The following ANTXR1 variants were observed in gnomAD, a reference collection of about 807,000 sequenced individuals.
ANTXR1 encodes anthrax toxin receptor 1.
A neutral mutation model predicts 78.1 loss-of-function variants in ANTXR1; 19 were observed. The observed-to-expected ratio is 0.24, with a 90% CI of 0.17 to 0.36. The LOEUF (loss-of-function observed/expected upper bound fraction) is 0.36. Among genes scored for constraint, ANTXR1 ranks in the 10% least tolerant of loss-of-function variants. The pLI is 1.00. For synonymous variants in ANTXR1, 273 were observed against 260.5 expected, an observed-to-expected ratio of 1.05 and a Z score of -0.46; for missense variants, 518 against 718.6, an observed-to-expected ratio of 0.72 and a Z score of 3.19.
At position 69,205,900 on chromosome 2, in the gene ANTXR1, TTTTC is replaced by T. The variant is rs144740016; in HGVS notation, c.1434+12489_1434+12492del. Among the ~76,000 whole-genome samples, 1,002 of 152,326 alleles carry T rather than the reference TTTTC, an allele frequency of 6.6e-3. 34 individuals are homozygous for T. In the East Asian group the frequency reaches 0.1, roughly 15 times the overall value. Reference sequence around the variant, plus strand: ...TTTGTCATTGCCATTTATTAATAACTTTTCTTTAAGTTTGTTTGAAAATAGAAAA... The same window carrying T: ...TTTGTCATTGCCATTTATTAATAACTTTTAAGTTTGTTTGAAAATAGAAAA... On this transcript the variant is annotated intron_variant, in intron 17 of 17. Coordinates refer to ENST00000303714, the MANE Select transcript of ANTXR1 (RefSeq NM_032208.3).
chr2:69,170,636 C>T (rs2104451630), intron 14 of ANTXR1, among the ~76,000 whole-genome samples: 1 of 152,324 alleles, frequency 6.6e-6, no homozygotes, highest in Non-Finnish European at 1.5e-5. Flanking sequence ...TTCTCTTCTC[C>T]TGCAGAGACT....
At chr2:69,170,351 G>C (rs983234627) in intron 14 of ANTXR1, 62 bp downstream of exon 14, 2 of 1,577,490 alleles carry the variant, frequency 1.3e-6, no homozygotes, top group African/African-American at 2.7e-5. Context: ...TGGAGAGCTG[G>C]CTGGGCAGCT....
At chr2:69,073,224 A>G in intron 6 of ANTXR1, 123 bp downstream of exon 6, 2 of 789,242 alleles carry the variant, frequency 2.5e-6, no homozygotes, top group Non-Finnish European at 4.3e-6. Flanking sequence ...AATGAAATAG[A>G]GTTTCATAAG....
At chr2:69,160,540 C>T (rs147715766) in intron 13 of ANTXR1, among the ~76,000 whole-genome samples, 240 of 152,228 alleles carry the variant, frequency 1.6e-3, no homozygotes, top group African/African-American at 5.7e-3. Context: ...GGTTTTCAAA[C>T]CTGGTTGCAT....
intron 13 of ANTXR1, among the ~76,000 whole-genome samples, chr2:69,156,474 A>C (rs1423510960): frequency 6.6e-6 from 1 of 152,174 alleles, no homozygotes; most frequent in Non-Finnish European, 1.5e-5. Context: ...TGTCTATGTT[A>C]ATCTGTCCTC....
chr2:69,035,045 C>T (rs542043965), intron 1 of ANTXR1, among the ~76,000 whole-genome samples: 3 of 152,198 alleles, frequency 2.0e-5, no homozygotes, highest in African/African-American at 7.2e-5. Context: ...GGGCAGTTTC[C>T]ACACCAGAAG....
At chr2:69,097,875 G>A (rs1219856971) in intron 9 of ANTXR1, among the ~76,000 whole-genome samples, 2 of 152,202 alleles carry the variant, frequency 1.3e-5, no homozygotes, top group African/African-American at 4.8e-5. Flanking sequence ...CAGTTTACCT[G>A]TAGAATGCAC....
chr2:69,084,107 T>C (rs1299393137), intron 8 of ANTXR1, among the ~76,000 whole-genome samples: 1 of 152,170 alleles, frequency 6.6e-6, no homozygotes, highest in Non-Finnish European at 1.5e-5. Flanking sequence ...CCTCCTATAT[T>C]GAGGAATCTG....
chr2:69,014,339 A>T (rs554050478), intron 1 of ANTXR1, among the ~76,000 whole-genome samples: 10 of 152,076 alleles, frequency 6.6e-5, no homozygotes, highest in African/African-American at 2.4e-4. Flanking sequence ...CTCCTTCCTT[A>T]TTAGTGGTGA....
chr2:69,022,899 G>T (rs1671235355), intron 1 of ANTXR1, among the ~76,000 whole-genome samples: 1 of 152,196 alleles, frequency 6.6e-6, no homozygotes, highest in South Asian at 2.1e-4. Context: ...TCACTGAGAG[G>T]CCATGTTTTG....
intron 17 of ANTXR1, among the ~76,000 whole-genome samples, chr2:69,200,294 C>T (rs1057323431): frequency 1.5e-4 from 23 of 152,202 alleles, no homozygotes; most frequent in African/African-American, 5.5e-4. Context: ...CGTAAATGTA[C>T]ATAAACAATG....
chr2:69,105,743 C>A (rs1326533116), intron 10 of ANTXR1, among the ~76,000 whole-genome samples: 1 of 152,044 alleles, frequency 6.6e-6, no homozygotes. Flanking sequence ...TCACATATTT[C>A]TTTTTTCAAG....
intron 17 of ANTXR1, among the ~76,000 whole-genome samples, chr2:69,210,346 CT>C (rs1190651842): frequency 6.6e-6 from 1 of 152,228 alleles, no homozygotes; most frequent in Non-Finnish European, 1.5e-5. Flanking sequence ...CTGTTAGCGT[CT>C]TAATTGTTCA....
intron 17 of ANTXR1, among the ~76,000 whole-genome samples, chr2:69,229,226 C>G (rs1181801242): frequency 6.6e-6 from 1 of 152,108 alleles, no homozygotes; most frequent in Non-Finnish European, 1.5e-5. Context: ...CACTCACTGG[C>G]AACAATACAG....
chr2:69,193,457 TCTCACATACA>T (rs1674591124), intron 17 of ANTXR1, 42 bp downstream of exon 17: 4 of 1,164,352 alleles, frequency 3.4e-6, no homozygotes, highest in Non-Finnish European at 5.0e-6. Flanking sequence ...TCTCTCTCTC[TCTCACATACA>T]CACACACACA....
chr2:69,246,830 T>C lies in ANTXR1; in HGVS notation c.*1345T>C, dbSNP rs1012454808. The C allele has an allele frequency of 1.8e-4, 27 of 152,238 alleles. No individual in the cohort carries two copies. The highest frequency in any genetic ancestry group is 5.8e-4 in the African/African-American group (24 of 41,464). 9.4% of individuals were successfully genotyped at this position (152,238 alleles called of 1,614,324 possible). A position where few individuals can be genotyped will look rare whatever the true frequency, so the allele number is the denominator to read the frequency against. The stretch of plus-strand genomic sequence containing the variant: ...AAAACAGAGATCATTGTCTTGGACC[T>C]CCTGCATCAGCCTATTCAAAATTAT... On this transcript the variant is annotated 3_prime_UTR_variant, in exon 18 of 18. Coordinates refer to ENST00000303714, the MANE Select transcript of ANTXR1 (RefSeq NM_032208.3).
At chr2:69,093,840 A>G (rs1671314356) in intron 9 of ANTXR1, among the ~76,000 whole-genome samples, 1 of 152,246 alleles carries the variant, frequency 6.6e-6, no homozygotes, top group East Asian at 1.9e-4. Flanking sequence ...GTATCAGAGT[A>G]AACTATCCAA....
In ANTXR1 at chr2:69,096,244, C is replaced by T. The variant is rs184953715; in HGVS notation, c.703+5325C>T. 5.2e-5 allele frequency among the ~76,000 whole-genome samples: 7 copies of T among 134,010 alleles called. 1 individual carries two copies. Among genetic ancestry groups the T allele is most frequent in the Admixed American group, 1.5e-4 (2 of 13,078 alleles). 87.9% of individuals were successfully genotyped at this position (134,010 alleles called of 152,430 possible). A position where few individuals can be genotyped will look rare whatever the true frequency, so the allele number is the denominator to read the frequency against. ...CTGCACTCCAGCCTGGGCAACAGAG[C>T]GAGACTCCGTCAAAAGGAAGGAAGG... On this transcript the variant is annotated intron_variant, in intron 9 of 17. Transcript: ENST00000303714.
At chr2:69,040,780 T>C (rs1669591341) in intron 2 of ANTXR1, among the ~76,000 whole-genome samples, 1 of 152,194 alleles carries the variant, frequency 6.6e-6, no homozygotes, top group Non-Finnish European at 1.5e-5. Context: ...CAGTAATAGC[T>C]TTCATAGAGT....
Sources: gnomAD v4.1 joint callset for allele counts (sites outside exome capture counted in the v4.1 genomes callset) on GRCh38, gnomAD v4.1.1 for gene constraint, MANE v1.5 for transcripts, NCBI Gene and HGNC (gene_info 2026-07-23, HGNC 2026-07-21) for gene names.